The following PLCG2 variants were observed in gnomAD, a reference collection of about 807,000 sequenced individuals.
PLCG2 encodes 1-phosphatidylinositol 4,5-bisphosphate phosphodiesterase gamma-2.
Under a neutral mutation model 175.6 loss-of-function variants are expected in PLCG2, and 69 were observed. That is an observed-to-expected ratio of 0.39 (90% CI 0.32 to 0.48). The LOEUF is 0.48. PLCG2 is among the 20% of genes least tolerant of loss of function. The pLI is 0.91. For synonymous variants in PLCG2, 827 were observed against 624.0 expected (o/e 1.33, Z -4.85); for missense variants, 1,798 against 1,650.9 (o/e 1.09, Z -1.54).
chr16:81,937,615 C>A (rs1376655198), intron 27 of PLCG2, 143 bp from the exon 28 acceptor site: 1 of 610,666 alleles, frequency 1.6e-6, no homozygotes, highest in African/African-American at 1.9e-5. Flanking sequence ...CCTATATTTT[C>A]TTTGAGTGAG....
At chr16:81,745,086 C>T (rs1384395292) in intron 1 of PLCG2, among the ~76,000 whole-genome samples, 1 of 152,176 alleles carries the variant, frequency 6.6e-6, no homozygotes, top group Non-Finnish European at 1.5e-5. Flanking sequence ...TGATTAAGTG[C>T]TGGTTGTAAA....
intron 2 of PLCG2, among the ~76,000 whole-genome samples, chr16:81,841,911 GTGAAACCACCAGCAGCTGGGA>G (rs1905853616): frequency 6.6e-6 from 1 of 152,218 alleles, no homozygotes; most frequent in Non-Finnish European, 1.5e-5. Flanking sequence ...TTTACTTAAA[GTGAAACCACCAGCAGCTGGGA>G]AGCTGGTGTT....
chr16:81,746,164 C>G (rs992772986), intron 1 of PLCG2, among the ~76,000 whole-genome samples: 16 of 152,186 alleles, frequency 1.1e-4, no homozygotes, highest in African/African-American at 3.6e-4. Flanking sequence ...GTGCTCAGGG[C>G]ACTGTGGCAC....
chr16:81,936,115 G>C, intron 26 of PLCG2, 54 bp from the exon 27 acceptor site: 4 of 1,598,976 alleles, frequency 2.5e-6, no homozygotes, highest in Non-Finnish European at 3.4e-6. Context: ...CAAACATTAA[G>C]AAAATGCACA....
At chr16:81,765,855 G>A (rs1316184262) in intron 2 of PLCG2, among the ~76,000 whole-genome samples, 1 of 152,182 alleles carries the variant, frequency 6.6e-6, no homozygotes, top group Non-Finnish European at 1.5e-5. Flanking sequence ...GTCCCCTGTG[G>A]ACAGCTGCTG....
At chr16:81,865,545 C>T (rs570095776) in intron 5 of PLCG2, among the ~76,000 whole-genome samples, 20 of 152,308 alleles carry the variant, frequency 1.3e-4, no homozygotes, top group African/African-American at 4.6e-4. Flanking sequence ...CCTGGGTTTT[C>T]TCCACTTGTT....
Position 81,879,342 on chromosome 16 carries a change from TA to T in PLCG2, c.649-1563del, listed in dbSNP as rs1381262521. Among the ~76,000 whole-genome samples, 10 of 152,270 alleles carry T rather than the reference TA, an allele frequency of 6.6e-5. No homozygotes were observed. The East Asian group carries it at 1.9e-3, about 29-fold the overall frequency. On this transcript the variant is annotated intron_variant, in intron 7 of 32. Coordinates refer to ENST00000564138, the MANE Select transcript of PLCG2 (RefSeq NM_002661.5). ...TAAAATCTGCAACACCACCCCTTTT[TA>T]AAAAGAAATACCTATGCTGTAAATT...
chr16:81,800,742 A>G (rs1004006068), intron 2 of PLCG2, among the ~76,000 whole-genome samples: 1 of 152,120 alleles, frequency 6.6e-6, no homozygotes, highest in African/African-American at 2.4e-5. Flanking sequence ...TGCTCCCAAG[A>G]TGCCCTTGTC....
At chr16:81,752,882 C>G (rs1036923777) in intron 1 of PLCG2, among the ~76,000 whole-genome samples, 2 of 152,234 alleles carry the variant, frequency 1.3e-5, no homozygotes, top group African/African-American at 2.4e-5. Context: ...GGCTCCAGGC[C>G]TTGCACTGCC....
chr16:81,828,172 T>C (rs1346020142), intron 2 of PLCG2, among the ~76,000 whole-genome samples: 1 of 150,514 alleles, frequency 6.6e-6, no homozygotes, highest in Admixed American at 6.6e-5. Context: ...AACACTCCTG[T>C]ACCCTGATGC....
At chr16:81,927,289 T>C in intron 23 of PLCG2, 111 bp downstream of exon 23, 1 of 724,068 alleles carries the variant, frequency 1.4e-6, no homozygotes, top group Non-Finnish European at 2.5e-6. Context: ...GCTTGTGGTC[T>C]CTGTGGAGCT....
chr16:81,937,700 C>T (rs918741320), intron 27 of PLCG2, 58 bp from the exon 28 acceptor site: 2 of 1,536,524 alleles, frequency 1.3e-6, no homozygotes, highest in African/African-American at 2.7e-5. Flanking sequence ...AAACTCCTGG[C>T]CTAGGGGGCC....
intron 2 of PLCG2, among the ~76,000 whole-genome samples, chr16:81,824,795 A>C (rs2022168979): frequency 6.6e-6 from 1 of 152,070 alleles, no homozygotes; most frequent in South Asian, 2.1e-4. Flanking sequence ...CCATGTCCTA[A>C]TCTTTGGAAC....
Position 81,804,235 on chromosome 16 carries a change from A to T in PLCG2, c.193+18053A>T, listed in dbSNP as rs1057177793. On this transcript the variant is annotated intron_variant, in intron 2 of 32. Coordinates refer to ENST00000564138, the MANE Select transcript of PLCG2 (RefSeq NM_002661.5). ...CATGTTAGTATCTGTCTTTTTGGTT[A>T]TCACCATCCTAGTGGAGGTGAAGTG... 2.0e-5 allele frequency among the ~76,000 whole-genome samples: 3 copies of T among 152,340 alleles called. 1 individual carries two copies. The highest frequency in any genetic ancestry group is 2.0e-4 in the Admixed American group (3 of 15,298).
rs141461719 is a variant in PLCG2 at position 81,752,148 on chromosome 16, G to C, written c.-144-3722G>C. On this transcript the variant is annotated intron_variant, in intron 1 of 5. Coordinates refer to the PLCG2 transcript ENST00000565054. ...CACGTATGAACTATGAGCCTGCTGA[G>C]TGCTGGGTGCTGAGCTGGGAGCTCC... Among the ~76,000 whole-genome samples, 546 of 152,320 alleles carry C rather than the reference G, an allele frequency of 3.6e-3. 5 individuals carry two copies. The highest frequency in any genetic ancestry group is 0.013 in the African/African-American group (525 of 41,568).
At position 81,960,216 on chromosome 16, in the gene PLCG2, G is replaced by A. The variant is rs542473322; in HGVS notation, c.*2218G>A. 4.5e-6 allele frequency: 1 copy of A among 220,820 alleles called. No homozygotes were observed. Among genetic ancestry groups the A allele is most frequent in the South Asian group, 1.8e-4 (1 of 5,418 alleles). 13.7% of individuals were successfully genotyped at this position (220,820 alleles called of 1,614,324 possible). On this transcript the variant is annotated 3_prime_UTR_variant, in exon 33 of 33. Transcript: ENST00000564138. ...GTTAATCTGGTTCTTGGTGGTGTTA[G>A]GGACTGATTCTCTCAGGAAAGGCAC...
intron 2 of PLCG2, among the ~76,000 whole-genome samples, chr16:81,844,101 C>G (rs375517959): frequency 1.3e-5 from 2 of 148,592 alleles, no homozygotes; most frequent in Non-Finnish European, 3.0e-5. Flanking sequence ...CTCAGCCTCC[C>G]GAGTAGCTGG....
At chr16:81,811,311 T>C (rs1401251512) in intron 2 of PLCG2, among the ~76,000 whole-genome samples, 1 of 152,140 alleles carries the variant, frequency 6.6e-6, no homozygotes, top group Non-Finnish European at 1.5e-5. Context: ...TTTAGGTTAG[T>C]GCTCAGTTAT....
intron 1 of PLCG2, among the ~76,000 whole-genome samples, chr16:81,746,755 C>T (rs985976403): frequency 1.5e-4 from 23 of 152,200 alleles, no homozygotes; most frequent in African/African-American, 5.3e-4. Flanking sequence ...ACTTCTCAGG[C>T]TTGATAACGT....
Sources: allele counts gnomAD v4.1 joint callset (sites outside exome capture counted in the v4.1 genomes callset), GRCh38; gene constraint gnomAD v4.1.1; transcripts MANE v1.5; gene names NCBI Gene and HGNC (gene_info 2026-07-23, HGNC 2026-07-21).